SRSF1: variants seen among roughly 807,000 people sequenced by gnomAD.
SRSF1 encodes serine and arginine rich splicing factor 1, also known as serine/arginine-rich splicing factor 1.
SRSF1 carries 1 observed loss-of-function variant against 25.9 expected under a neutral mutation model. The observed-to-expected ratio is 0.04, with a 90% confidence interval of 0.01 to 0.18. The LOEUF is 0.18. Among genes scored for constraint, SRSF1 ranks in the 10% least tolerant of loss-of-function variants. The probability of loss-of-function intolerance (pLI) is 1.00; values close to 1 mark genes in which losing one functional copy is unlikely to be tolerated. For synonymous variants in SRSF1, 132 were observed against 126.2 expected (o/e 1.05, Z -0.31); for missense variants, 65 against 350.5 (o/e 0.19, Z 6.50).
chr17:57,989,783 G>A, the SRSF1 span: 3 of 398,628 alleles, frequency 7.5e-6, no homozygotes, highest in Non-Finnish European at 1.3e-5. Flanking sequence ...TAACACATCA[G>A]GGAACCGGTC....
chr17:57,997,824 C>T (rs1039160138), downstream of SRSF1, among the ~76,000 whole-genome samples: 3 of 152,160 alleles, frequency 2.0e-5, no homozygotes, highest in African/African-American at 7.2e-5. Flanking sequence ...CACCTTGCTG[C>T]AAATTTACTA....
chr17:57,996,434 A>C (rs965342835), downstream of SRSF1, among the ~76,000 whole-genome samples: 1 of 136,594 alleles, frequency 7.3e-6, no homozygotes, highest in South Asian at 2.5e-4. Context: ...CAGTGAGCCG[A>C]GACTGCGCCA....
intron 1 of SRSF1, 33 bp from the exon 2 acceptor site, chr17:58,006,560 A>G: frequency 6.3e-7 from 1 of 1,588,678 alleles, no homozygotes. Flanking sequence ...AGGGATGAGA[A>G]ACACCAGGAG....
downstream of SRSF1, among the ~76,000 whole-genome samples, chr17:57,997,347 T>C (rs545299540): frequency 5.1e-4 from 77 of 152,316 alleles, no homozygotes; most frequent in African/African-American, 1.6e-3. Flanking sequence ...AGTTAACGAA[T>C]AGCTTGTGAA....
rs572973696 is a variant in SRSF1 at position 58,000,947 on chromosome 17, TCAA to T, written c.*4456_*4458del. 6.6e-5 allele frequency among the ~76,000 whole-genome samples: 10 copies of T among 152,262 alleles called. No homozygotes were observed. The highest frequency in any genetic ancestry group is 4.1e-4 in the South Asian group (2 of 4,826). ...TGGTCAGGGTTCACATTTAATTAGC[TCAA>T]CAACAGAAAATCTTTTGTTTTCGTA... On this transcript the variant is annotated 3_prime_UTR_variant, in exon 4 of 4. Coordinates refer to ENST00000258962, the MANE Select transcript of SRSF1 (RefSeq NM_006924.5).
rs1455393398 is a variant in SRSF1 at position 58,003,786 on chromosome 17, A to G, written c.*1620T>C. 2.0e-5 allele frequency: 3 copies of G among 151,380 alleles called. No homozygotes were observed. The highest frequency in any genetic ancestry group is 2.1e-4 in the South Asian group (1 of 4,774). 9.4% of individuals were successfully genotyped at this position (151,380 alleles called of 1,614,324 possible). ...AAGGGCTCCAATCGTCAAAAATAGG[A>G]AAAAAAAAATCTTTGGAATAGCCAA... On this transcript the variant is annotated 3_prime_UTR_variant, in exon 4 of 4. Coordinates refer to ENST00000258962, the MANE Select transcript of SRSF1 (RefSeq NM_006924.5).
downstream of SRSF1, among the ~76,000 whole-genome samples, chr17:57,999,896 T>G (rs1289662029): frequency 6.6e-6 from 1 of 152,154 alleles, no homozygotes; most frequent in Non-Finnish European, 1.5e-5. Flanking sequence ...CACTTATAAG[T>G]TGTCTGGTAA....
rs1166551731 is a variant in SRSF1, at chr17:58,001,889, G to A, written c.*3517C>T. 6.6e-6 allele frequency among the ~76,000 whole-genome samples: 1 copy of A among 152,152 alleles called. No homozygotes were observed. The highest frequency in any genetic ancestry group is 1.5e-5 in the Non-Finnish European group (1 of 68,022). ...TTCAGCCTGTATAACAAGGAATACT[G>A]TCTCATTTCAATGTGAGGTTAGAAT... On this transcript the variant is annotated 3_prime_UTR_variant, in exon 4 of 4. Coordinates refer to ENST00000258962, the MANE Select transcript of SRSF1 (RefSeq NM_006924.5).
At chr17:58,006,019 T>C (rs2075424427) in intron 2 of SRSF1, 46 bp from the exon 3 acceptor site, 2 of 1,568,880 alleles carry the variant, frequency 1.3e-6, no homozygotes, top group Admixed American at 1.7e-5. Context: ...ATCTTAAATT[T>C]CACGTTAAGC....
In SRSF1 at chr17:58,005,885, G is replaced by A; in HGVS notation, c.468C>T (p.Gly156=). The change falls in exon 3 of 4, where the codon GGC becomes GGT. Residue 156 remains glycine, a synonymous_variant. Transcript: ENST00000258962. The surrounding 1 kb of genome is among the most constrained non-coding windows in gnomAD (Gnocchi z 5.2). ...DVCYADVYRD[G]TGVVEFVRKE... ...TCCGTACAAACTCCACGACACCAGT[G>A]CCATCTCGGTAAACATCAGCATAAC... The A allele has an allele frequency of 6.2e-7, 1 of 1,614,056 alleles. No individual in the cohort carries two copies. The highest frequency in any genetic ancestry group is 1.3e-5 in the African/African-American group (1 of 75,022).
chr17:57,991,263 A>C, the SRSF1 span: 1 of 152,228 alleles, frequency 6.6e-6, no homozygotes, highest in Non-Finnish European at 1.5e-5. Context: ...AAGCAACAGG[A>C]TATTTCCTTC....
Position 58,005,298 on chromosome 17 carries a change from T to A in SRSF1, c.*108A>T. 1 of 1,233,048 alleles carries A rather than the reference T, an allele frequency of 8.1e-7. No individual in the cohort carries two copies. The highest frequency in any genetic ancestry group is 1.1e-6 in the Non-Finnish European group (1 of 872,138). The allele number at this position is 1,233,048 out of a possible 1,614,324, so 76.4% of individuals were successfully genotyped here. A position where few individuals can be genotyped will look rare whatever the true frequency, so the allele number is the denominator to read the frequency against. ...ATATTACAAGAATGCAATTCAACACTTTAGCCCATTCTGAACAAAACAGTT... is the reference window on the plus strand; with the variant it reads ...ATATTACAAGAATGCAATTCAACACATTAGCCCATTCTGAACAAAACAGTT... On this transcript the variant is annotated 3_prime_UTR_variant, in exon 4 of 4. Coordinates refer to ENST00000258962, the MANE Select transcript of SRSF1 (RefSeq NM_006924.5). The surrounding 1 kb of genome is among the most constrained non-coding windows in gnomAD (Gnocchi z 5.2).
the SRSF1 span, chr17:57,989,313 G>A: frequency 5.0e-6 from 2 of 398,516 alleles, no homozygotes; most frequent in Non-Finnish European, 8.8e-6. Context: ...AGTGTCTCTA[G>A]TCCAAGACAT....
At chr17:58,006,167 C>A (rs1344848780) in intron 2 of SRSF1, 176 bp downstream of exon 2, 9 of 986,668 alleles carry the variant, frequency 9.1e-6, no homozygotes, top group African/African-American at 1.6e-5. Flanking sequence ...TCTAGTACCG[C>A]AACCTAATTT....
At position 58,002,143 on chromosome 17, in the gene SRSF1, T is replaced by G. The variant is rs73995414; in HGVS notation, c.*3263A>C. 0.016 allele frequency among the ~76,000 whole-genome samples: 2,505 copies of G among 152,218 alleles called. 75 individuals carry two copies. Among genetic ancestry groups the G allele is most frequent in the African/African-American group, 0.056 (2,332 of 41,452 alleles). On this transcript the variant is annotated 3_prime_UTR_variant, in exon 4 of 4. Transcript: ENST00000258962. ...TCTACACATAAAACTTCTTAGAATTTCAAGAATGTCATGTAAAATTATTCA... is the reference window on the plus strand; with the variant it reads ...TCTACACATAAAACTTCTTAGAATTGCAAGAATGTCATGTAAAATTATTCA...
In SRSF1 at chr17:58,001,689, G is replaced by T. The variant is rs2075391552; in HGVS notation, c.*3717C>A. Among the ~76,000 whole-genome samples the T allele has an allele frequency of 6.6e-6, 1 of 152,192 alleles. No individual in the cohort carries two copies. The highest frequency in any genetic ancestry group is 1.5e-5 in the Non-Finnish European group (1 of 68,034). On this transcript the variant is annotated 3_prime_UTR_variant, in exon 4 of 4. Transcript: ENST00000258962. ...ACAGCTTTTGTAGTTTCAAAAGGGT[G>T]TAACTTTCTTCTAATAATTGCCAAT...
rs901141998 is a variant in SRSF1 at position 58,001,654 on chromosome 17, A to G, written c.*3752T>C. Among the ~76,000 whole-genome samples the G allele has an allele frequency of 2.0e-5, 3 of 152,192 alleles. No individual in the cohort carries two copies. The highest frequency in any genetic ancestry group is 4.8e-5 in the African/African-American group (2 of 41,442). On this transcript the variant is annotated 3_prime_UTR_variant, in exon 4 of 4. Transcript: ENST00000258962. ...GGACATAAATAGGGAGAAGAGGGGG[A>G]AATTCCAAGACAGCTTTTGTAGTTT...
At chr17:57,996,414 G>A (rs893842366), downstream of SRSF1, among the ~76,000 whole-genome samples, 1 of 147,516 alleles carries the variant, frequency 6.8e-6, no homozygotes, top group Non-Finnish European at 1.5e-5. Flanking sequence ...AACCCAGGAG[G>A]TGGAGGTTGC....
At chr17:57,999,670 G>A (rs1477847651), downstream of SRSF1, among the ~76,000 whole-genome samples, 2 of 152,092 alleles carry the variant, frequency 1.3e-5, no homozygotes, top group Admixed American at 1.3e-4. Flanking sequence ...TTAATTTTGT[G>A]TTATAGCTCC....
Sources: allele counts gnomAD v4.1 joint callset (sites outside exome capture counted in the v4.1 genomes callset), GRCh38; gene constraint gnomAD v4.1.1; non-coding constraint Gnocchi (gnomAD v3.1); transcripts MANE v1.5; gene names NCBI Gene and HGNC (gene_info 2026-07-23, HGNC 2026-07-21).